ADGRL2: variants seen among roughly 807,000 people sequenced by gnomAD.
ADGRL2 encodes adhesion G protein-coupled receptor L2, also known as calcium-independent alpha-latrotoxin receptor 2.
In ADGRL2, 44 loss-of-function variants were observed where a neutral mutation model predicts 157.4. The ratio of observed to expected loss-of-function variants is 0.28; its 90% confidence interval spans 0.22 to 0.36. The LOEUF (loss-of-function observed/expected upper bound fraction) is 0.36. ADGRL2 is among the 10% of genes least tolerant of loss of function. The pLI is 1.00. For synonymous variants in ADGRL2, 585 were observed against 624.7 expected (o/e 0.94, Z 0.95); for missense variants, 1,510 against 1,768.9 (o/e 0.85, Z 2.63).
At chr1:81,393,862 G>A (rs1180052115) in intron 1 of ADGRL2, among the ~76,000 whole-genome samples, 2 of 141,098 alleles carry the variant, frequency 1.4e-5, no homozygotes, top group Non-Finnish European at 3.1e-5. Flanking sequence ...CTCCCAGAAT[G>A]AGAGTAATTC....
chr1:81,659,347 C>G (rs145918439), intron 3 of ADGRL2, among the ~76,000 whole-genome samples: 1 of 152,220 alleles, frequency 6.6e-6, no homozygotes, highest in Non-Finnish European at 1.5e-5. Context: ...CAGGTGTGAG[C>G]CACCATGCCC....
At chr1:81,528,834 A>C (rs954407109) in intron 2 of ADGRL2, among the ~76,000 whole-genome samples, 2 of 152,192 alleles carry the variant, frequency 1.3e-5, no homozygotes, top group East Asian at 1.9e-4. Flanking sequence ...TGGATAAAAT[A>C]GAATTTTAAC....
Position 81,895,393 on chromosome 1 carries a change from C to CTTTTTT in ADGRL2, c.74-11607_74-11602dup, listed in dbSNP as rs34557038. Among the ~76,000 whole-genome samples, 23 of 97,578 alleles carry CTTTTTT rather than the reference C, an allele frequency of 2.4e-4. 1 individual carries two copies. Among genetic ancestry groups the CTTTTTT allele is most frequent in the East Asian group, 6.9e-4 (2 of 2,888 alleles). 64.0% of individuals were successfully genotyped at this position (97,578 alleles called of 152,430 possible). A position where few individuals can be genotyped will look rare whatever the true frequency, so the allele number is the denominator to read the frequency against. ...CTCATGTGATTCAATTTAAATGTAT[C>CTTTTTT]TTTTTTTTTTTTTTTTTTTTTTGAG... On this transcript the variant is annotated intron_variant, in intron 2 of 23. Transcript: ENST00000686636.
At chr1:81,597,377 A>T (rs2081255894) in intron 3 of ADGRL2, among the ~76,000 whole-genome samples, 1 of 152,224 alleles carries the variant, frequency 6.6e-6, no homozygotes, top group Admixed American at 6.5e-5. Flanking sequence ...GAAAGTGCAT[A>T]TGAAAAAATA....
At chr1:81,704,280 T>TTACCA (rs2149045005) in intron 1 of ADGRL2, among the ~76,000 whole-genome samples, 1 of 152,342 alleles carries the variant, frequency 6.6e-6, no homozygotes, top group Admixed American at 6.5e-5. Context: ...GCGTCTGGAA[T>TTACCA]TACCATTAGC....
At chr1:81,503,594 T>C in intron 2 of ADGRL2, 1 of 1,093,648 alleles carries the variant, frequency 9.1e-7, no homozygotes, top group Non-Finnish European at 1.3e-6. Context: ...ATTGAGAGTT[T>C]GGACGTGTCC....
chr1:81,412,093 C>T (rs1316221543), intron 1 of ADGRL2, among the ~76,000 whole-genome samples: 1 of 152,042 alleles, frequency 6.6e-6, no homozygotes, highest in Non-Finnish European at 1.5e-5. Flanking sequence ...CATAAATTCA[C>T]ATAATACTCA....
At chr1:81,705,965 C>G (rs1017638383) in intron 1 of ADGRL2, among the ~76,000 whole-genome samples, 1 of 152,076 alleles carries the variant, frequency 6.6e-6, no homozygotes, top group Non-Finnish European at 1.5e-5. Context: ...AATCCCAGCA[C>G]TTTGGGAGGC....
intron 2 of ADGRL2, among the ~76,000 whole-genome samples, chr1:81,870,149 TA>T (rs1364778788): frequency 1.3e-5 from 2 of 152,104 alleles, no homozygotes; most frequent in African/African-American, 2.4e-5. Flanking sequence ...AAAAGGAGAA[TA>T]AAGTGTCATT....
chr1:81,503,925 C>T (rs187721348), intron 2 of ADGRL2, among the ~76,000 whole-genome samples: 5 of 152,348 alleles, frequency 3.3e-5, no homozygotes, highest in Admixed American at 1.3e-4. Context: ...CTGCCAGGAG[C>T]CAAGAGCATG....
chr1:81,667,157 G>C (rs904397908), intron 3 of ADGRL2, among the ~76,000 whole-genome samples: 1 of 152,108 alleles, frequency 6.6e-6, no homozygotes, highest in Non-Finnish European at 1.5e-5. Context: ...AAGAACGGGG[G>C]TGCTAAATAA....
At chr1:81,741,244 G>A (rs1025562605) in intron 1 of ADGRL2, among the ~76,000 whole-genome samples, 7 of 151,626 alleles carry the variant, frequency 4.6e-5, no homozygotes, top group Non-Finnish European at 1.0e-4. Flanking sequence ...GTAAAGAAAG[G>A]TATAAGAAAA....
chr1:81,579,121 T>C (rs1270127175), intron 2 of ADGRL2, among the ~76,000 whole-genome samples: 2 of 152,154 alleles, frequency 1.3e-5, no homozygotes, highest in Admixed American at 1.3e-4. Flanking sequence ...TTACTATCAA[T>C]GAGTCTGAAA....
intron 6 of ADGRL2, among the ~76,000 whole-genome samples, chr1:81,947,416 T>C (rs920630323): frequency 4.6e-5 from 7 of 152,242 alleles, no homozygotes; most frequent in African/African-American, 1.7e-4. Context: ...TATGAAAATC[T>C]GTAACTAGGC....
chr1:81,852,293 T>A (rs1025182666), intron 2 of ADGRL2, among the ~76,000 whole-genome samples: 1 of 152,098 alleles, frequency 6.6e-6, no homozygotes, highest in Non-Finnish European at 1.5e-5. Context: ...AAGAATGTAT[T>A]GCTGTTTGAT....
chr1:81,806,285 T>A (rs1200970579), intron 1 of ADGRL2, among the ~76,000 whole-genome samples: 5 of 152,028 alleles, frequency 3.3e-5, no homozygotes, highest in Non-Finnish European at 1.5e-5. Flanking sequence ...AATGTAAATA[T>A]ACAGATCTCA....
intron 1 of ADGRL2, among the ~76,000 whole-genome samples, chr1:81,323,119 A>C (rs1026133863): frequency 5.9e-5 from 9 of 152,304 alleles, no homozygotes; most frequent in African/African-American, 1.9e-4. Flanking sequence ...TGGCCTCCCA[A>C]AATGCTGGGA....
chr1:81,411,747 G>T (rs553488787), intron 1 of ADGRL2, among the ~76,000 whole-genome samples: 3 of 152,068 alleles, frequency 2.0e-5, no homozygotes, highest in Admixed American at 2.0e-4. Context: ...GGGCACAGTG[G>T]CGGGCGCCTG....
At chr1:81,670,846 A>G (rs951963645) in intron 3 of ADGRL2, among the ~76,000 whole-genome samples, 5 of 152,032 alleles carry the variant, frequency 3.3e-5, no homozygotes, top group Non-Finnish European at 7.4e-5. Context: ...TGTAGTTAGG[A>G]CTACAGGTAC....
Sources: gnomAD v4.1 joint callset for allele counts (sites outside exome capture counted in the v4.1 genomes callset) on GRCh38, gnomAD v4.1.1 for gene constraint, MANE v1.5 for transcripts, NCBI Gene and HGNC (gene_info 2026-07-23, HGNC 2026-07-21) for gene names.